The following PTGS2 variants were observed in gnomAD, a reference collection of about 807,000 sequenced individuals.
The protein encoded by PTGS2 is prostaglandin G/H synthase 2.
A neutral mutation model predicts 63.8 loss-of-function variants in PTGS2; 14 were observed. That is an observed-to-expected ratio of 0.22 (90% CI 0.14 to 0.34). PTGS2 has a LOEUF of 0.34. PTGS2 is among the 10% of genes least tolerant of loss of function. PTGS2 has a pLI of 1.00. For missense variants in PTGS2, 533 were observed against 738.5 expected (o/e 0.72, Z 3.23); for synonymous variants, 271 against 259.5 (o/e 1.04, Z -0.43).
Position 186,675,938 on chromosome 1 carries a change from G to C in PTGS2, c.1217C>G (p.Thr406Ser). 9.3e-6 allele frequency: 15 copies of C among 1,613,906 alleles called. No homozygotes were observed. The highest frequency in any genetic ancestry group is 1.3e-5 in the Non-Finnish European group (15 of 1,179,892). ...CCTGGTGAATGATTCAACAAACTGG[G>C]TAATTCCATGTTCCAGCAATATAGA... ...NNSILLEHGI[T>S]QFVESFTRQI... The change falls in exon 8 of 10, where the codon ACC (threonine) becomes AGC (serine). Residue 406 changes from threonine to serine, a missense_variant. By Grantham distance (58) the Thr-to-Ser change is moderately conservative. Around this residue, in one of 5 missense-constraint regions of PTGS2, gnomAD observed 219 missense variants for 267.4 expected, o/e 0.82. Transcript: ENST00000367468.
Position 186,672,264 on chromosome 1 carries a change from G to A in PTGS2, c.*2089C>T, listed in dbSNP as rs188254107. On this transcript the variant is annotated 3_prime_UTR_variant, in exon 10 of 10. Coordinates refer to ENST00000367468, the MANE Select transcript of PTGS2 (RefSeq NM_000963.4). ...ATAAATTGTGGCTGAACAAATTAAC[G>A]AAGCATCCACAGATCCCTCAAAACA... 424 of 152,104 alleles carry A rather than the reference G, an allele frequency of 2.8e-3. 7 individuals carry two copies. The highest frequency in any genetic ancestry group is 9.9e-3 in the African/African-American group (412 of 41,526). The allele number at this position is 152,104 out of a possible 1,614,324, so 9.4% of individuals were successfully genotyped here.
At chr1:186,678,096 GT>G (rs1434362507) in intron 4 of PTGS2, among the ~76,000 whole-genome samples, 164 bp downstream of exon 4, 1 of 152,016 alleles carries the variant, frequency 6.6e-6, no homozygotes, top group African/African-American at 2.4e-5. Flanking sequence ...TTACATAATA[GT>G]TTATATAGAC....
At chr1:186,678,462 C>T (rs1665820790) in intron 3 of PTGS2, 58 bp from the exon 4 acceptor site, 1 of 1,445,386 alleles carries the variant, frequency 6.9e-7, no homozygotes, top group Non-Finnish European at 9.3e-7. Context: ...GTAAATCAAC[C>T]ATTATTTTTA....
intron 5 of PTGS2, 116 bp downstream of exon 5, chr1:186,677,533 T>G: frequency 8.8e-7 from 1 of 1,140,938 alleles, no homozygotes; most frequent in Non-Finnish European, 1.2e-6. Context: ...AGACTTCTTT[T>G]TAAAAAAAGT....
At position 186,677,666 on chromosome 1, in the gene PTGS2, T is replaced by C. The variant is rs1358824412; in HGVS notation, c.622A>G (p.Asn208Asp). The C allele has an allele frequency of 6.2e-7, 1 of 1,611,288 alleles. No individual in the cohort carries two copies. The highest frequency in any genetic ancestry group is 1.1e-5 in the South Asian group (1 of 90,568). The change falls in exon 5 of 10, where the codon AAC becomes GAC. Residue 208 changes from asparagine to aspartate, a missense_variant. Asn to Asp is a conservative substitution (Grantham distance 23). Transcript: ENST00000367468. ...TATCTTACCCCATGGCCCAGCCCGTTGGTGAAAGCTGGCCCTCGCTTATGA... is the reference window on the plus strand; with the variant it reads ...TATCTTACCCCATGGCCCAGCCCGTCGGTGAAAGCTGGCCCTCGCTTATGA... ...TDHKRGPAFT[N>D]GLGHGVDLNH...
chr1:186,678,496 C>T (rs2102007103), intron 3 of PTGS2, 92 bp from the exon 4 acceptor site: 1 of 1,238,010 alleles, frequency 8.1e-7, no homozygotes, highest in Non-Finnish European at 1.1e-6. Context: ...AAAGTGGCAC[C>T]TGAGGTTGAA....
chr1:186,676,307 A>C (rs1193405797), intron 7 of PTGS2, 123 bp from the exon 8 acceptor site: 1 of 1,372,754 alleles, frequency 7.3e-7, no homozygotes, highest in Admixed American at 2.4e-5. Flanking sequence ...TGTCAGTATC[A>C]AAAGATAGCT....
In PTGS2 at chr1:186,675,971, T is replaced by C; in HGVS notation, c.1184A>G (p.Tyr395Cys). 1 of 1,614,070 alleles carries C rather than the reference T, an allele frequency of 6.2e-7. No homozygotes were observed. Among genetic ancestry groups the C allele is most frequent in the Non-Finnish European group, 8.5e-7 (1 of 1,179,922 alleles). ...DQKYNYQQFIYNNSILLEHGI... is the reference protein window; with the variant it reads ...DQKYNYQQFICNNSILLEHGI... ...ATGTTCCAGCAATATAGAGTTGTTG[T>C]AGATAAACTGTTGATAGTTGTATTT... Residue 395 changes from tyrosine to cysteine, a missense_variant, in exon 8 of 10, where the codon TAC becomes TGC. Physicochemically the swap from Tyr to Cys is radical, Grantham distance 194. Around this residue, in one of 5 missense-constraint regions of PTGS2, gnomAD observed 219 missense variants for 267.4 expected, o/e 0.82. Coordinates refer to ENST00000367468, the MANE Select transcript of PTGS2 (RefSeq NM_000963.4).
Position 186,677,766 on chromosome 1 carries a change from G to A in PTGS2, c.522C>T (p.Ile174=), listed in dbSNP as rs1207550089. The change falls in exon 5 of 10, where the codon ATC becomes ATT. Residue 174 remains isoleucine, a synonymous_variant. Transcript: ENST00000367468. ...TCATGTTTGAGCCCTGGGGATCAGG[G>A]ATGAACTTTCTTCTTAGAAGCAATT... ...VEKLLLRRKF[I]PDPQGSNMMF... 3.7e-6 allele frequency: 6 copies of A among 1,613,754 alleles called. No individual in the cohort carries two copies. Among genetic ancestry groups the A allele is most frequent in the Non-Finnish European group, 2.5e-6 (3 of 1,179,934 alleles).
Position 186,676,839 on chromosome 1 carries a change from T to C in PTGS2, c.717A>G (p.Lys239=). 6.2e-7 allele frequency: 1 copy of C among 1,610,372 alleles called. No homozygotes were observed. Among genetic ancestry groups the C allele is most frequent in the Non-Finnish European group, 8.5e-7 (1 of 1,178,622 alleles). Residue 239 remains lysine (K), a synonymous_variant, in exon 6 of 10, where the codon AAA becomes AAG. Transcript: ENST00000367468. ...KLRLFKDGKM[K]YQIIDGEMYP... is the part of the protein sequence containing the mutation. Reference sequence around the variant, plus strand: ...ATAGTCAAAGGAAGCATACCTGATATTTCATTTTTCCATCCTTGAAAAGGC... The same window carrying C: ...ATAGTCAAAGGAAGCATACCTGATACTTCATTTTTCCATCCTTGAAAAGGC...
intron 9 of PTGS2, 83 bp from the exon 10 acceptor site, chr1:186,674,845 C>A: frequency 1.4e-6 from 2 of 1,430,622 alleles, no homozygotes; most frequent in South Asian, 2.8e-5. Context: ...GCTCAATTTG[C>A]TGCCAACTTC....
At chr1:186,676,215 T>A (rs1286088313) in intron 7 of PTGS2, 31 bp from the exon 8 acceptor site, 5 of 1,545,318 alleles carry the variant, frequency 3.2e-6, no homozygotes, top group Non-Finnish European at 4.4e-6. Context: ...ATAAAAACAT[T>A]TATTGCATCT....
Position 186,675,894 on chromosome 1 carries a change from T to C in PTGS2, c.1257+4A>G. ...TTGTTTTGGTTTTCAATAATAATGC[T>C]TACCCTGCCAGCAATTTGCCTGGTG... On this transcript the variant is annotated splice_donor_region_variant and intron_variant, in intron 8 of 9. Transcript: ENST00000367468. The C allele has an allele frequency of 6.2e-7, 1 of 1,608,274 alleles. No individual in the cohort carries two copies. The highest frequency in any genetic ancestry group is 8.5e-7 in the Non-Finnish European group (1 of 1,175,778).
chr1:186,675,573 C>T (rs933894038), intron 8 of PTGS2, 177 bp from the exon 9 acceptor site: 1 of 749,214 alleles, frequency 1.3e-6, no homozygotes, highest in South Asian at 2.0e-5. Flanking sequence ...TTCAATGGGA[C>T]ACCAGCCTAG....
intron 9 of PTGS2, 68 bp from the exon 10 acceptor site, chr1:186,674,830 C>A (rs1411919726): frequency 1.1e-5 from 16 of 1,489,638 alleles, no homozygotes; most frequent in Non-Finnish European, 1.4e-5. Flanking sequence ...CAGTTTGATT[C>A]TTTTGCTCAA....
intron 1 of PTGS2, 134 bp downstream of exon 1, chr1:186,680,105 G>A (rs1665850741): frequency 1.5e-6 from 2 of 1,359,122 alleles, no homozygotes; most frequent in South Asian, 1.3e-5. Flanking sequence ...AGCGGTCCAA[G>A]CTCTTTCCCA....
At position 186,675,176 on chromosome 1, in the gene PTGS2, C is replaced by A. The variant is rs11567826; in HGVS notation, c.1405+73G>T. Reference sequence around the variant, plus strand: ...TGGGTGACAGAGGGCGGCTCCATCTCGAAAAGAAAACCAAAAACAACAAAA... The same window carrying A: ...TGGGTGACAGAGGGCGGCTCCATCTAGAAAAGAAAACCAAAAACAACAAAA... On this transcript the variant is annotated intron_variant, in intron 9 of 9. Coordinates refer to ENST00000367468, the MANE Select transcript of PTGS2 (RefSeq NM_000963.4). The A allele has an allele frequency of 1.6e-3, 2,577 of 1,580,682 alleles. 46 individuals are homozygous for A. The African/African-American group carries it at 0.032, about 19-fold the overall frequency.
At chr1:186,678,064 A>T (rs559155615) in intron 4 of PTGS2, among the ~76,000 whole-genome samples, 197 bp downstream of exon 4, 1 of 152,382 alleles carries the variant, frequency 6.6e-6, no homozygotes, top group Admixed American at 6.5e-5. Flanking sequence ...TTAAGACATT[A>T]TACCAAGACG....
At chr1:186,677,041 T>C (rs1665794190) in intron 5 of PTGS2, 125 bp from the exon 6 acceptor site, 1 of 715,652 alleles carries the variant, frequency 1.4e-6, no homozygotes, top group South Asian at 2.1e-5. Context: ...TTAAATAAAA[T>C]ATACATTTTT....
Sources: gnomAD v4.1 joint callset for allele counts (sites outside exome capture counted in the v4.1 genomes callset) on GRCh38, gnomAD v4.1.1 for gene constraint, gnomAD v4.1.1 regional missense constraint, MANE v1.5 for transcripts, NCBI Gene and HGNC (gene_info 2026-07-23, HGNC 2026-07-21) for gene names.